Variants in PSAP observed in about 807,000 individuals in gnomAD.
PSAP encodes the protein prosaposin.
Under a neutral mutation model 66.0 loss-of-function variants are expected in PSAP, and 25 were observed. The ratio of observed to expected loss-of-function variants is 0.38; its 90% confidence interval spans 0.28 to 0.53. PSAP has a LOEUF of 0.53. Among genes scored for constraint, PSAP ranks in the 20% least tolerant of loss-of-function variants. The probability of loss-of-function intolerance (pLI) is 0.83; values close to 1 mark genes in which losing one functional copy is unlikely to be tolerated. For synonymous variants in PSAP, 273 were observed against 258.9 expected, an observed-to-expected ratio of 1.05 and a Z score of -0.52; for missense variants, 649 against 668.8, an observed-to-expected ratio of 0.97 and a Z score of 0.33.
intron 1 of PSAP, among the ~76,000 whole-genome samples, chr10:71,837,742 C>A (rs149407123): frequency 6.6e-6 from 1 of 152,362 alleles, no homozygotes; most frequent in Non-Finnish European, 1.5e-5. Flanking sequence ...GCTAACGGAG[C>A]CTTCCTCAAA....
In PSAP at chr10:71,831,885, G is replaced by A; in HGVS notation, c.210C>T (p.Val70=). 2 of 1,614,086 alleles carry A rather than the reference G, an allele frequency of 1.2e-6. No homozygotes were observed. Among genetic ancestry groups the A allele is most frequent in the Non-Finnish European group, 1.7e-6 (2 of 1,180,040 alleles). ...CCTTCAGCATATCACCAGCTGCGGT[G>A]ACAACGTCTTTGCATATGTCGCAGG... The part of the protein sequence containing the change: ...SLPCDICKDV[V]TAAGDMLKDN... The change falls in exon 3 of 14, where the codon GTC becomes GTT. Residue 70 remains valine (V), a synonymous_variant. Coordinates refer to ENST00000394936, the MANE Select transcript of PSAP (RefSeq NM_002778.4).
intron 2 of PSAP, among the ~76,000 whole-genome samples, chr10:71,832,943 G>T (rs1169481255): frequency 1.3e-5 from 2 of 150,526 alleles, no homozygotes; most frequent in African/African-American, 2.5e-5. Flanking sequence ...CTTGAACCCG[G>T]GAGGCGGAGG....
intron 1 of PSAP, among the ~76,000 whole-genome samples, chr10:71,848,085 C>A (rs1258156486): frequency 1.3e-5 from 2 of 152,154 alleles, no homozygotes; most frequent in African/African-American, 4.8e-5. Flanking sequence ...AGAGGACTCA[C>A]CTAACAGCAA....
intron 4 of PSAP, among the ~76,000 whole-genome samples, chr10:71,829,487 T>C (rs1161645206): frequency 6.6e-6 from 1 of 152,224 alleles, no homozygotes; most frequent in East Asian, 1.9e-4. Context: ...CCCCTGCACA[T>C]GCTCTCTTGC....
At chr10:71,818,754 G>C in intron 12 of PSAP, 30 bp from the exon 13 acceptor site, 10 of 1,571,418 alleles carry the variant, frequency 6.4e-6, no homozygotes, top group Non-Finnish European at 8.8e-6. Context: ...AAGAAGAAAG[G>C]GGGAGAATGA....
At chr10:71,847,091 C>T (rs1050965999) in intron 1 of PSAP, among the ~76,000 whole-genome samples, 2 of 152,176 alleles carry the variant, frequency 1.3e-5, no homozygotes, top group African/African-American at 4.8e-5. Context: ...CCAAGTTCTC[C>T]TTTCCCTCAT....
intron 7 of PSAP, among the ~76,000 whole-genome samples, chr10:71,824,497 A>G (rs1842362397): frequency 1.3e-5 from 2 of 152,250 alleles, no homozygotes; most frequent in Admixed American, 1.3e-4. Flanking sequence ...GGATATGCAT[A>G]TATGTATGCA....
intron 1 of PSAP, chr10:71,844,648 A>G (rs1412747685): frequency 6.6e-6 from 1 of 152,356 alleles, no homozygotes; most frequent in Non-Finnish European, 1.5e-5. Flanking sequence ...CCTGGGCAAC[A>G]GAGCAAGACT....
intron 1 of PSAP, among the ~76,000 whole-genome samples, chr10:71,843,918 G>A (rs949833944): frequency 2.6e-5 from 4 of 152,202 alleles, no homozygotes; most frequent in Non-Finnish European, 5.9e-5. Context: ...GGGGAAGCTG[G>A]GGGAAGGGTA....
intron 1 of PSAP, among the ~76,000 whole-genome samples, chr10:71,834,991 C>T (rs920639298): frequency 1.3e-5 from 2 of 152,036 alleles, no homozygotes; most frequent in Non-Finnish European, 2.9e-5. Context: ...AATCCCAGCA[C>T]TTTGGGAGGC....
At chr10:71,830,708 G>C (rs1385907571) in intron 4 of PSAP, among the ~76,000 whole-genome samples, 1 of 152,208 alleles carries the variant, frequency 6.6e-6, no homozygotes, top group African/African-American at 2.4e-5. Flanking sequence ...GTTTGTGTCT[G>C]TGTACAATAC....
rs369761195 is a variant in PSAP at position 71,827,324 on chromosome 10, G to A, written c.720+690C>T. Among the ~76,000 whole-genome samples, 24 of 151,738 alleles carry A rather than the reference G, an allele frequency of 1.6e-4. No individual in the cohort carries two copies. In the East Asian group the frequency reaches 4.1e-3, roughly 26 times the overall value. On this transcript the variant is annotated intron_variant, in intron 6 of 13. Transcript: ENST00000394936. ...TGAGGCAGGAGAATGGCGTGAACCC[G>A]GGAGGCGGAGCTTGCAGTGAGCCGA...
In PSAP at chr10:71,837,976, A is replaced by C. The variant is rs1842658689; in HGVS notation, c.41-3471T>G. On this transcript the variant is annotated intron_variant, in intron 1 of 13. Transcript: ENST00000394936. The stretch of plus-strand genomic sequence containing the variant: ...GGGAATGGTCTCACCTGCCCCACAC[A>C]CCCTAAGGTGAGGGCTCAACCCCGT... Among the ~76,000 whole-genome samples the C allele has an allele frequency of 3.3e-5, 5 of 152,150 alleles. 1 individual carries two copies. Among genetic ancestry groups the C allele is most frequent in the Admixed American group, 3.3e-4 (5 of 15,276 alleles).
In PSAP at chr10:71,821,952, G is replaced by A. The variant is rs1263281619; in HGVS notation, c.833C>T (p.Pro278Leu). Reference sequence around the variant, plus strand: ...TTTGGCGGGGACCAGAGTCTGCATGGGCATCTCTTTCACCTCATCACAGAA... The same window carrying A: ...TTTGGCGGGGACCAGAGTCTGCATGAGCATCTCTTTCACCTCATCACAGAA... ...VGFCDEVKEM[P>L]MQTLVPAKVA... is the part of the protein sequence containing the mutation. Residue 278 changes from proline to leucine, a missense_variant, in exon 8 of 14, where the codon CCC becomes CTC. Transcript: ENST00000394936. The A allele has an allele frequency of 1.2e-6, 2 of 1,614,170 alleles. No individual in the cohort carries two copies. Among genetic ancestry groups the A allele is most frequent in the Non-Finnish European group, 1.7e-6 (2 of 1,180,028 alleles).
intron 1 of PSAP, among the ~76,000 whole-genome samples, chr10:71,845,866 A>G (rs534810663): frequency 2.5e-4 from 38 of 151,826 alleles, no homozygotes; most frequent in African/African-American, 7.7e-4. Flanking sequence ...CTGCCTGCCA[A>G]CTCCCTCCTA....
rs1483269733 is a variant in PSAP, at chr10:71,825,843, C to T, written c.771G>A (p.Met257Ile). The change falls in exon 7 of 14, where the codon ATG becomes ATA. Residue 257 changes from methionine (M) to isoleucine (I), a missense_variant. Coordinates refer to ENST00000394936, the MANE Select transcript of PSAP (RefSeq NM_002778.4). ...QYSEIAIQMM[M>I]HMQPKEICAL... ...GGGCCTCCGTGCCACCTACCATGTG[C>T]ATCATCATCTGGATAGCAATTTCAG... 17 of 1,613,000 alleles carry T rather than the reference C, an allele frequency of 1.1e-5. No individual in the cohort carries two copies. Among genetic ancestry groups the T allele is most frequent in the Non-Finnish European group, 1.4e-5 (17 of 1,178,930 alleles).
intron 1 of PSAP, among the ~76,000 whole-genome samples, chr10:71,848,181 G>A (rs1030398327): frequency 1.3e-5 from 2 of 152,206 alleles, no homozygotes. Flanking sequence ...TTCCTTCGGG[G>A]CAAGTGGGAC....
chr10:71,831,033 C>CA (rs1453642087), intron 4 of PSAP, 93 bp downstream of exon 4: 6 of 1,569,422 alleles, frequency 3.8e-6, no homozygotes, highest in Non-Finnish European at 5.2e-6. Flanking sequence ...GAGCTAAGAA[C>CA]AGACTTTCCA....
chr10:71,847,505 G>A (rs765418998), intron 1 of PSAP, among the ~76,000 whole-genome samples: 3 of 151,908 alleles, frequency 2.0e-5, no homozygotes, highest in Non-Finnish European at 2.9e-5. Context: ...CCGAGATCGC[G>A]CCACTGCACA....
Sources: allele counts gnomAD v4.1 joint callset (sites outside exome capture counted in the v4.1 genomes callset), GRCh38; gene constraint gnomAD v4.1.1; transcripts MANE v1.5; gene names NCBI Gene and HGNC (gene_info 2026-07-23, HGNC 2026-07-21).